NCAM1: variants seen among roughly 807,000 people sequenced by gnomAD.
NCAM1 encodes neural cell adhesion molecule 1, also known as antigen recognized by monoclonal antibody 5.1H11.
Under a neutral mutation model 109.8 loss-of-function variants are expected in NCAM1, and 14 were observed. The observed-to-expected ratio is 0.13, with a 90% CI of 0.08 to 0.20. NCAM1 has a LOEUF of 0.20. NCAM1 is among the 10% of genes least tolerant of loss of function. The probability of loss-of-function intolerance (pLI) is 1.00; values close to 1 mark genes in which losing one functional copy is unlikely to be tolerated. For synonymous variants in NCAM1, 418 were observed against 442.9 expected (o/e 0.94, Z 0.70); for missense variants, 774 against 1,109.9 (o/e 0.70, Z 4.30).
At chr11:113,200,431 A>T (rs1944014322) in intron 1 of NCAM1, among the ~76,000 whole-genome samples, 1 of 152,182 alleles carries the variant, frequency 6.6e-6, no homozygotes, top group Non-Finnish European at 1.5e-5. Context: ...CTGTTAAGGG[A>T]TAGTGAATCC....
At chr11:113,199,267 G>A (rs1256763568) in intron 1 of NCAM1, among the ~76,000 whole-genome samples, 1 of 152,142 alleles carries the variant, frequency 6.6e-6, no homozygotes, top group African/African-American at 2.4e-5. Context: ...AAAGGTGAAA[G>A]TTGAGGTAGG....
chr11:113,065,265 A>T (rs1219519109), intron 1 of NCAM1, among the ~76,000 whole-genome samples: 16 of 152,204 alleles, frequency 1.1e-4, no homozygotes, highest in African/African-American at 3.9e-4. Flanking sequence ...CAAATAAATG[A>T]CTGAATAAAT....
At chr11:113,244,589 A>G (rs1945440372) in intron 14 of NCAM1, among the ~76,000 whole-genome samples, 1 of 152,100 alleles carries the variant, frequency 6.6e-6, no homozygotes, top group Non-Finnish European at 1.5e-5. Context: ...GTGAATATCC[A>G]TCGATCATCA....
intron 1 of NCAM1, among the ~76,000 whole-genome samples, chr11:113,158,593 A>C (rs1197131051): frequency 2.6e-5 from 4 of 152,190 alleles, no homozygotes; most frequent in African/African-American, 9.7e-5. Flanking sequence ...TAATAAGCCA[A>C]TCCCTGTGCA....
At chr11:113,259,657 A>G (rs1315922850) in intron 16 of NCAM1, among the ~76,000 whole-genome samples, 2 of 144,912 alleles carry the variant, frequency 1.4e-5, no homozygotes, top group Non-Finnish European at 3.0e-5. Context: ...GACCTGTGCA[A>G]TTTTTCAGGC....
At chr11:113,025,585 G>C (rs543008383) in intron 1 of NCAM1, among the ~76,000 whole-genome samples, 31 of 152,204 alleles carry the variant, frequency 2.0e-4, no homozygotes, top group Admixed American at 4.6e-4. Flanking sequence ...ATGCTCCAGA[G>C]AGTAAGTGAG....
At chr11:113,046,054 G>A (rs1369330530) in intron 1 of NCAM1, among the ~76,000 whole-genome samples, 1 of 152,118 alleles carries the variant, frequency 6.6e-6, no homozygotes, top group African/African-American at 2.4e-5. Flanking sequence ...AAATAACATG[G>A]GAGAGACAGC....
At chr11:113,166,411 G>A (rs1555105287) in intron 1 of NCAM1, among the ~76,000 whole-genome samples, 1 of 152,136 alleles carries the variant, frequency 6.6e-6, no homozygotes, top group Non-Finnish European at 1.5e-5. Context: ...CCAGCCAGAG[G>A]CACTCCTCTA....
At chr11:112,988,032 C>G (rs1475861077) in intron 1 of NCAM1, among the ~76,000 whole-genome samples, 1 of 151,828 alleles carries the variant, frequency 6.6e-6, no homozygotes, top group African/African-American at 2.4e-5. Flanking sequence ...ATTTTTTTCT[C>G]TTTATCTTTT....
At position 112,961,476 on chromosome 11, in the gene NCAM1, T is replaced by C. The variant is rs782353809; in HGVS notation, c.-137T>C. 4 of 787,600 alleles carry C rather than the reference T, an allele frequency of 5.1e-6. No individual in the cohort carries two copies. Among genetic ancestry groups the C allele is most frequent in the Non-Finnish European group, 9.4e-6 (4 of 425,892 alleles). The allele number at this position is 787,600 out of a possible 1,614,324, so 48.8% of individuals were successfully genotyped here. A position where few individuals can be genotyped will look rare whatever the true frequency, so the allele number is the denominator to read the frequency against. ...TCGGCTGCCGCTGGCAGGAAACAAT[T>C]CTGCAAAAATAATCATACTCAGCCT... On this transcript the variant is annotated 5_prime_UTR_variant, in exon 1 of 20. Transcript: ENST00000316851.
chr11:113,081,809 C>T (rs575804992), intron 1 of NCAM1, among the ~76,000 whole-genome samples: 1 of 152,212 alleles, frequency 6.6e-6, no homozygotes, highest in South Asian at 2.1e-4. Context: ...GTTGGGACTA[C>T]AGGCGTGAGC....
At chr11:113,011,710 A>C (rs562305546) in intron 1 of NCAM1, among the ~76,000 whole-genome samples, 24 of 152,284 alleles carry the variant, frequency 1.6e-4, no homozygotes, top group African/African-American at 5.5e-4. Flanking sequence ...AGCAACCATA[A>C]AAGGAAATGA....
In NCAM1 at chr11:113,233,449, T is replaced by C; in HGVS notation, c.1693+132T>C. On this transcript the variant is annotated intron_variant, in intron 13 of 19. Coordinates refer to ENST00000316851, the MANE Select transcript of NCAM1 (RefSeq NM_181351.5). This position sits in a 1 kb window ranked among gnomAD's most constrained non-coding sequence, Gnocchi z 4.5. ...TCCAGAATTAGGTCAAAGTCATATC[T>C]GCCTGTAGAGTTGTTGCCCCTATTG... The C allele has an allele frequency of 9.8e-7, 1 of 1,019,600 alleles. No homozygotes were observed. The highest frequency in any genetic ancestry group is 1.4e-6 in the Non-Finnish European group (1 of 698,024). 63.2% of individuals were successfully genotyped at this position (1,019,600 alleles called of 1,614,324 possible). A position where few individuals can be genotyped will look rare whatever the true frequency, so the allele number is the denominator to read the frequency against.
chr11:112,976,990 A>C (rs12099332), intron 1 of NCAM1, among the ~76,000 whole-genome samples: 20,488 of 151,740 alleles, frequency 0.14, 1,425 homozygotes, highest in African/African-American at 0.15. Flanking sequence ...TTCTATGATT[A>C]GAATTGTGTC....
intron 3 of NCAM1, 82 bp from the exon 4 acceptor site, chr11:113,205,441 G>C: frequency 6.6e-7 from 1 of 1,518,096 alleles, no homozygotes; most frequent in East Asian, 2.3e-5. Context: ...CAGGACTCAA[G>C]TCCAGGTACC....
intron 1 of NCAM1, among the ~76,000 whole-genome samples, chr11:113,006,556 A>G (rs1318859594): frequency 1.3e-5 from 2 of 152,204 alleles, no homozygotes; most frequent in Admixed American, 6.5e-5. Flanking sequence ...AAGTGCAGGC[A>G]TCATGAGGTT....
At chr11:113,229,805 C>T (rs1165838142) in intron 9 of NCAM1, among the ~76,000 whole-genome samples, 1 of 152,074 alleles carries the variant, frequency 6.6e-6, no homozygotes, top group Non-Finnish European at 1.5e-5. Flanking sequence ...AAGCTGGAAA[C>T]CATCGTTCTC....
intron 1 of NCAM1, among the ~76,000 whole-genome samples, chr11:112,971,510 G>T (rs188449101): frequency 6.6e-6 from 1 of 151,746 alleles, no homozygotes; most frequent in Non-Finnish European, 1.5e-5. Context: ...TTAACGACAG[G>T]GTGTGAAAAA....
intron 14 of NCAM1, among the ~76,000 whole-genome samples, chr11:113,235,511 C>G (rs1301270977): frequency 6.6e-6 from 1 of 152,180 alleles, no homozygotes; most frequent in African/African-American, 2.4e-5. Context: ...TTCGACAGGC[C>G]ACAGAAGCCC....
Sources: allele counts gnomAD v4.1 joint callset (sites outside exome capture counted in the v4.1 genomes callset), GRCh38; gene constraint gnomAD v4.1.1; non-coding constraint Gnocchi (gnomAD v3.1); transcripts MANE v1.5; gene names NCBI Gene and HGNC (gene_info 2026-07-23, HGNC 2026-07-21).